Variants in LEPR observed in about 807,000 individuals in gnomAD.
LEPR encodes OB receptor.
In LEPR, 56 loss-of-function variants were observed where a neutral mutation model predicts 114.7. That is an observed-to-expected ratio of 0.49 (90% CI 0.39 to 0.61). The LOEUF (loss-of-function observed/expected upper bound fraction) is 0.61, where lower values mean the gene tolerates loss of function less well. Ranked by LOEUF, LEPR falls within the 20% of genes least tolerant of loss-of-function variation. LEPR has a pLI of 0.00. For missense variants in LEPR, 1,202 were observed against 1,352.9 expected (o/e 0.89, Z 1.75); for synonymous variants, 443 against 461.4 (o/e 0.96, Z 0.51).
chr1:65,483,324 GA>G (rs1647312757), intron 2 of LEPR, among the ~76,000 whole-genome samples: 1 of 151,364 alleles, frequency 6.6e-6, no homozygotes, highest in Non-Finnish European at 1.5e-5. Flanking sequence ...TCTTGGAAAT[GA>G]AAATTAAAAC....
At chr1:65,552,385 T>G (rs1652454371) in intron 2 of LEPR, among the ~76,000 whole-genome samples, 1 of 152,320 alleles carries the variant, frequency 6.6e-6, no homozygotes, top group South Asian at 2.1e-4. Context: ...TGAGTCTGGG[T>G]GCTCCTGTAT....
intron 19 of LEPR, among the ~76,000 whole-genome samples, chr1:65,630,602 T>A (rs1658476978): frequency 1.3e-5 from 2 of 152,000 alleles, no homozygotes. Context: ...GTTTCTTTGT[T>A]TCTCTTTCTA....
chr1:65,539,284 C>T (rs1651013272), intron 2 of LEPR, among the ~76,000 whole-genome samples: 1 of 151,058 alleles, frequency 6.6e-6, no homozygotes, highest in South Asian at 2.1e-4. Context: ...TCCCTGTGTC[C>T]CTGGTGGTTA....
chr1:65,437,618 C>T (rs1199823374), intron 2 of LEPR, among the ~76,000 whole-genome samples: 1 of 151,734 alleles, frequency 6.6e-6, no homozygotes, highest in Admixed American at 6.6e-5. Context: ...GCACTCTAGC[C>T]TAGGCGACAG....
chr1:65,497,574 C>T (rs1648230248), intron 2 of LEPR, among the ~76,000 whole-genome samples: 1 of 152,130 alleles, frequency 6.6e-6, no homozygotes, highest in South Asian at 2.1e-4. Context: ...GCTACCTCAT[C>T]CCTTTGCCCT....
At chr1:65,467,393 C>A (rs560596639) in intron 2 of LEPR, among the ~76,000 whole-genome samples, 1 of 152,152 alleles carries the variant, frequency 6.6e-6, no homozygotes, top group South Asian at 2.1e-4. Context: ...TTGCTTAATA[C>A]TTCCTCTGGA....
chr1:65,432,184 A>G, intron 2 of LEPR: 1 of 1,116,356 alleles, frequency 9.0e-7, no homozygotes, highest in Non-Finnish European at 1.1e-6. Context: ...AAATATATTA[A>G]CGCAGTCTTG....
intron 2 of LEPR, among the ~76,000 whole-genome samples, chr1:65,540,398 A>G (rs1396006656): frequency 1.3e-5 from 2 of 152,124 alleles, no homozygotes; most frequent in Non-Finnish European, 2.9e-5. Context: ...TCCCTCACGA[A>G]TGGCTTGGTG....
intron 2 of LEPR, among the ~76,000 whole-genome samples, chr1:65,549,104 A>T (rs996465303): frequency 6.6e-5 from 10 of 151,618 alleles, no homozygotes; most frequent in African/African-American, 2.4e-4. Context: ...CTGGGTTGAA[A>T]ATTCTTTTCT....
Position 65,623,203 on chromosome 1 carries a change from A to G in LEPR, c.2673+222A>G, listed in dbSNP as rs1001190712. On this transcript the variant is annotated intron_variant, in intron 19 of 19. Coordinates refer to ENST00000349533, the MANE Select transcript of LEPR (RefSeq NM_002303.6). Reference sequence around the variant, plus strand: ...CATAGTTTATCGTATGAGAGTTCACAATATACATATGTTGCTTCTGTGTCA... The same window carrying G: ...CATAGTTTATCGTATGAGAGTTCACGATATACATATGTTGCTTCTGTGTCA... 4.8e-5 allele frequency: 25 copies of G among 524,550 alleles called. No individual in the cohort carries two copies. In the East Asian group the frequency reaches 7.4e-4, roughly 16 times the overall value. The allele number at this position is 524,550 out of a possible 1,614,324, so 32.5% of individuals were successfully genotyped here. A position where few individuals can be genotyped will look rare whatever the true frequency, so the allele number is the denominator to read the frequency against.
At chr1:65,528,063 C>T (rs1650096837) in intron 2 of LEPR, among the ~76,000 whole-genome samples, 1 of 151,682 alleles carries the variant, frequency 6.6e-6, no homozygotes, top group Admixed American at 6.6e-5. Context: ...AAAAAGTAAT[C>T]TCTTCACACT....
At chr1:65,516,278 C>A (rs1466730124) in intron 2 of LEPR, among the ~76,000 whole-genome samples, 1 of 151,872 alleles carries the variant, frequency 6.6e-6, no homozygotes, top group African/African-American at 2.4e-5. Context: ...ACTAAAAATA[C>A]AAAAAAATTA....
At chr1:65,474,283 A>C (rs561272270) in intron 2 of LEPR, among the ~76,000 whole-genome samples, 254 of 152,342 alleles carry the variant, frequency 1.7e-3, no homozygotes, top group African/African-American at 5.3e-3. Context: ...GGAAACCAGG[A>C]CACCTGGGGC....
chr1:65,440,823 C>T (rs1367161299), intron 2 of LEPR, among the ~76,000 whole-genome samples: 10 of 152,124 alleles, frequency 6.6e-5, no homozygotes, highest in African/African-American at 2.2e-4. Context: ...ATGTTTTATT[C>T]GGATTGCTCT....
intron 6 of LEPR, among the ~76,000 whole-genome samples, chr1:65,594,860 G>C (rs1297778986): frequency 6.6e-6 from 1 of 151,852 alleles, no homozygotes; most frequent in Non-Finnish European, 1.5e-5. Context: ...AAGAAGGAGG[G>C]AATAAGCATC....
intron 15 of LEPR, among the ~76,000 whole-genome samples, 183 bp from the exon 16 acceptor site, chr1:65,617,781 C>A (rs1394844870): frequency 6.6e-6 from 1 of 152,014 alleles, no homozygotes; most frequent in East Asian, 1.9e-4. Context: ...TCATCTATTC[C>A]CATATCTCTC....
At chr1:65,457,170 A>G (rs887510862) in intron 2 of LEPR, among the ~76,000 whole-genome samples, 9 of 152,228 alleles carry the variant, frequency 5.9e-5, no homozygotes, top group Admixed American at 5.9e-4. Context: ...ATACATAAGC[A>G]TATAGATACA....
chr1:65,507,437 T>TTGTGTGTGTGTGTGTGTG (rs141990947), intron 2 of LEPR, among the ~76,000 whole-genome samples: 1 of 138,776 alleles, frequency 7.2e-6, no homozygotes, highest in African/African-American at 2.7e-5. Context: ...TAGTATTCCA[T>TTGTGTGTGTGTGTGTGTG]TGTGTGTGTG....
At chr1:65,519,026 TTTC>T (rs999597041) in intron 2 of LEPR, among the ~76,000 whole-genome samples, 59 of 151,206 alleles carry the variant, frequency 3.9e-4, no homozygotes, top group African/African-American at 1.4e-3. Context: ...TTTCTTTCTC[TTTC>T]TTCTTTTCTT....
Sources: allele counts gnomAD v4.1 joint callset (sites outside exome capture counted in the v4.1 genomes callset), GRCh38; gene constraint gnomAD v4.1.1; transcripts MANE v1.5; gene names NCBI Gene and HGNC (gene_info 2026-07-23, HGNC 2026-07-21).